PCDHGA3: variants seen among roughly 807,000 people sequenced by gnomAD.
PCDHGA3 encodes the protein protocadherin gamma subfamily A, 3, also known as protocadherin gamma-A3.
A neutral mutation model predicts 58.5 loss-of-function variants in PCDHGA3; 40 were observed. That is an observed-to-expected ratio of 0.68 (90% CI 0.53 to 0.89). The LOEUF (loss-of-function observed/expected upper bound fraction) is 0.89, where lower values mean the gene tolerates loss of function less well. PCDHGA3 is among the 40% of genes least tolerant of loss of function. The pLI is 0.00. For missense variants in PCDHGA3, 1,223 were observed against 1,195.9 expected (o/e 1.02, Z -0.33); for synonymous variants, 530 against 525.7 (o/e 1.01, Z -0.11).
chr5:141,384,598 C>CA (rs756705007), intron 1 of PCDHGA3: 4 of 1,614,256 alleles, frequency 2.5e-6, no homozygotes, highest in Non-Finnish European at 2.5e-6. Flanking sequence ...GTACCCGGCC[C>CA]TCCCCACAGA....
intron 1 of PCDHGA3, chr5:141,478,545 A>T: frequency 6.2e-7 from 1 of 1,605,606 alleles, no homozygotes; most frequent in Admixed American, 1.7e-5. Context: ...CCTCCCGGAC[A>T]GGTAAGGTTT....
chr5:141,392,628 A>T (rs2092566593), intron 1 of PCDHGA3: 1 of 588,334 alleles, frequency 1.7e-6, no homozygotes, highest in South Asian at 2.7e-5. Context: ...AAACACTCAG[A>T]TCTCACACCT....
At chr5:141,362,374 A>AC (rs765639463) in intron 1 of PCDHGA3, 4 of 1,614,036 alleles carry the variant, frequency 2.5e-6, no homozygotes, top group Non-Finnish European at 3.4e-6. Context: ...CAGTGAGGGT[A>AC]CATTGCCCTA....
chr5:141,383,234 A>G, intron 1 of PCDHGA3: 2 of 1,613,960 alleles, frequency 1.2e-6, no homozygotes, highest in Non-Finnish European at 1.7e-6. Flanking sequence ...CTGATGGAAG[A>G]TAAAATGAAT....
At chr5:141,464,000 T>C (rs1045842127) in intron 1 of PCDHGA3, among the ~76,000 whole-genome samples, 15 of 152,158 alleles carry the variant, frequency 9.9e-5, no homozygotes, top group Non-Finnish European at 1.3e-4. Context: ...GTGCAGTGGC[T>C]CATGCTTGTA....
At chr5:141,433,358 C>CCTAA (rs1554125965) in intron 1 of PCDHGA3, 1 of 503,368 alleles carries the variant, frequency 2.0e-6, no homozygotes, top group Non-Finnish European at 3.5e-6. Flanking sequence ...CTACTGTCTG[C>CCTAA]CTATCTATCT....
At chr5:141,356,162 C>G in intron 1 of PCDHGA3, 1 of 1,613,176 alleles carries the variant, frequency 6.2e-7, no homozygotes, top group Non-Finnish European at 8.5e-7. Flanking sequence ...GATGTAGAAG[C>G]CCATGATGGG....
rs765563941 is a variant in PCDHGA3 at position 141,383,705 on chromosome 5, T to G, written c.2424+37248T>G. On this transcript the variant is annotated intron_variant, in intron 1 of 3. Transcript: ENST00000253812. ...CTGCTCACGGTACATGCTATCGACC[T>G]GGACGAGGGAGTCAATGGGGAAGTG... 3.1e-6 allele frequency: 5 copies of G among 1,613,902 alleles called. No homozygotes were observed. Among genetic ancestry groups the G allele is most frequent in the Non-Finnish European group, 4.2e-6 (5 of 1,179,894 alleles).
In PCDHGA3 at chr5:141,432,361, G is replaced by A; in HGVS notation, c.2425-62446G>A. 1 of 1,614,230 alleles carries A rather than the reference G, an allele frequency of 6.2e-7. No individual in the cohort carries two copies. Among genetic ancestry groups the A allele is most frequent in the Non-Finnish European group, 8.5e-7 (1 of 1,180,050 alleles). On this transcript the variant is annotated intron_variant, in intron 1 of 3. Coordinates refer to ENST00000253812, the MANE Select transcript of PCDHGA3 (RefSeq NM_018916.4). The surrounding 1 kb of genome is among the most constrained non-coding windows in gnomAD (Gnocchi z 6.0). Reference sequence around the variant, plus strand: ...GAGACTTGCAAGTGAAAGTGATGGCGCGGGACAACGGGCACCCGCCCCTCA... The same window carrying A: ...GAGACTTGCAAGTGAAAGTGATGGCACGGGACAACGGGCACCCGCCCCTCA...
intron 1 of PCDHGA3, chr5:141,412,990 C>T: frequency 1.8e-6 from 1 of 569,958 alleles, no homozygotes. Flanking sequence ...AGAGCTCAAT[C>T]CGGATTCTCA....
chr5:141,478,095 C>T, intron 1 of PCDHGA3: 5 of 1,614,100 alleles, frequency 3.1e-6, no homozygotes, highest in Non-Finnish European at 4.2e-6. Context: ...TCCACCACTG[C>T]TACCCTCACT....
intron 1 of PCDHGA3, chr5:141,371,039 G>T (rs1233349729): frequency 6.2e-6 from 10 of 1,613,966 alleles, no homozygotes; most frequent in Non-Finnish European, 8.5e-6. Flanking sequence ...TCACAGCTGT[G>T]GATGGGGGCG....
chr5:141,399,373 GT>G, intron 1 of PCDHGA3: 1 of 1,613,982 alleles, frequency 6.2e-7, no homozygotes. Context: ...GGAGTACAAT[GT>G]CACCATCACA....
At chr5:141,374,363 G>T (rs1770422956) in intron 1 of PCDHGA3, 2 of 1,613,916 alleles carry the variant, frequency 1.2e-6, no homozygotes, top group African/African-American at 2.7e-5. Flanking sequence ...AGACCGCGAG[G>T]AGCTCTGTGC....
chr5:141,375,028 T>C, intron 1 of PCDHGA3: 1 of 1,614,042 alleles, frequency 6.2e-7, no homozygotes, highest in Non-Finnish European at 8.5e-7. Flanking sequence ...CGAGTTTTTA[T>C]GAGCTGGGTG....
rs186484297 is a variant in PCDHGA3 at position 141,453,739 on chromosome 5, A to G, written c.2425-41068A>G. ...TAAAAATATTTGTTACTACAGCTTA[A>G]ATAACATAAGTCTCCTAAAAATAAT... On this transcript the variant is annotated intron_variant, in intron 1 of 3. Coordinates refer to ENST00000253812, the MANE Select transcript of PCDHGA3 (RefSeq NM_018916.4). Among the ~76,000 whole-genome samples, 2 of 152,370 alleles carry G rather than the reference A, an allele frequency of 1.3e-5. 1 individual carries two copies. Among genetic ancestry groups the G allele is most frequent in the Admixed American group, 1.3e-4 (2 of 15,300 alleles).
chr5:141,452,165 C>T (rs917431071), intron 1 of PCDHGA3, among the ~76,000 whole-genome samples: 2 of 152,120 alleles, frequency 1.3e-5, no homozygotes, highest in African/African-American at 4.8e-5. Flanking sequence ...TATTCTATTA[C>T]TAACATTTTT....
intron 1 of PCDHGA3, chr5:141,375,375 C>G (rs907988445): frequency 6.2e-7 from 1 of 1,613,834 alleles, no homozygotes; most frequent in Admixed American, 1.7e-5. Context: ...GGAACACCAC[C>G]TCTGTCTACA....
At chr5:141,376,364 G>T in intron 1 of PCDHGA3, 1 of 1,614,202 alleles carries the variant, frequency 6.2e-7, no homozygotes, top group Non-Finnish European at 8.5e-7. Flanking sequence ...CTCACTCACT[G>T]CAGACTCGCG....
Sources: allele counts gnomAD v4.1 joint callset (sites outside exome capture counted in the v4.1 genomes callset), GRCh38; gene constraint gnomAD v4.1.1; non-coding constraint Gnocchi (gnomAD v3.1); transcripts MANE v1.5; gene names NCBI Gene and HGNC (gene_info 2026-07-23, HGNC 2026-07-21).